The following PMVK variants were observed in gnomAD, a reference collection of about 807,000 sequenced individuals.
PMVK encodes the protein phosphomevalonate kinase.
PMVK carries 10 observed loss-of-function variants against 19.0 expected under a neutral mutation model. The observed-to-expected ratio is 0.53, with a 90% CI of 0.32 to 0.89. PMVK has a LOEUF of 0.89. PMVK is among the 40% of genes least tolerant of loss of function. The pLI is 0.03. For synonymous variants in PMVK, 108 were observed against 101.6 expected, an observed-to-expected ratio of 1.06 and a Z score of -0.38; for missense variants, 222 against 251.1, an observed-to-expected ratio of 0.88 and a Z score of 0.78.
upstream of PMVK, among the ~76,000 whole-genome samples, chr1:154,937,155 G>C (rs935701627): frequency 3.3e-5 from 5 of 152,188 alleles, no homozygotes; most frequent in Non-Finnish European, 4.4e-5. Context: ...GATCACGTTG[G>C]AGACGTTTTG....
Position 154,926,384 on chromosome 1 carries a change from G to A in PMVK, c.412C>T (p.Arg138Ter), listed in dbSNP as rs745983207. Reference protein sequence around the residue: ...TVRVVALEQSRQQRGWVFTPG... With the variant: ...TVRVVALEQS ...GTGAACACCCAGCCCCGCTGCTGTC[G>A]GCTCTGCTCCAACGCTACAACGCGG... is the stretch of plus-strand genomic sequence containing the variant. Residue 138 changes from arginine to a stop codon, truncating the protein, a stop_gained, in exon 4 of 5, where the codon CGA (arginine) becomes TGA (stop). Coordinates refer to ENST00000368467, the MANE Select transcript of PMVK (RefSeq NM_006556.4). LOFTEE classifies it high-confidence loss of function. 7 of 1,613,526 alleles carry A rather than the reference G, an allele frequency of 4.3e-6. No individual in the cohort carries two copies. Among genetic ancestry groups the A allele is most frequent in the Non-Finnish European group, 5.9e-6 (7 of 1,179,894 alleles).
At chr1:154,932,325 C>T (rs777286435) in intron 2 of PMVK, 27 bp downstream of exon 2, 3 of 1,584,994 alleles carry the variant, frequency 1.9e-6, no homozygotes, top group East Asian at 4.5e-5. Flanking sequence ...CCGCCCAACA[C>T]ACCGGATGCC....
chr1:154,939,495 G>A (rs1654596246), upstream of PMVK, among the ~76,000 whole-genome samples: 2 of 151,064 alleles, frequency 1.3e-5, no homozygotes, highest in South Asian at 4.2e-4. Flanking sequence ...ACCATCCTGG[G>A]TAACACGGTG....
At chr1:154,926,943 T>C (rs1221752647) in intron 3 of PMVK, among the ~76,000 whole-genome samples, 1 of 152,208 alleles carries the variant, frequency 6.6e-6, no homozygotes, top group African/African-American at 2.4e-5. Context: ...TCTCCAATCC[T>C]GTTCCTCCCC....
At position 154,933,829 on chromosome 1, in the gene PMVK, T is replaced by C. The variant is rs991577490; in HGVS notation, c.96-1414A>G. Among the ~76,000 whole-genome samples, 5 of 151,798 alleles carry C rather than the reference T, an allele frequency of 3.3e-5. No individual in the cohort carries two copies. The East Asian group carries it at 7.8e-4, about 24-fold the overall frequency. On this transcript the variant is annotated intron_variant, in intron 1 of 4. Transcript: ENST00000368467. The stretch of plus-strand genomic sequence containing the variant: ...TCTTTTTTGAGACAGAGTCTCACTC[T>C]GTCGTCCAGGCTGGAGTACAGTGGC...
intron 2 of PMVK, among the ~76,000 whole-genome samples, chr1:154,931,722 G>A (rs896139929): frequency 1.3e-5 from 2 of 149,228 alleles, no homozygotes; most frequent in African/African-American, 2.5e-5. Flanking sequence ...TTCAGTTTTA[G>A]ACAAATGTAG....
At chr1:154,942,499 C>A in the PMVK span, among the ~76,000 whole-genome samples, 1 of 152,234 alleles carries the variant, frequency 6.6e-6, no homozygotes, top group African/African-American at 2.4e-5. Flanking sequence ...GTGCGAGGAT[C>A]GCCTCCCAGG....
intron 1 of PMVK, 75 bp from the exon 2 acceptor site, chr1:154,932,490 G>C: frequency 9.7e-7 from 1 of 1,027,164 alleles, no homozygotes; most frequent in Non-Finnish European, 1.4e-6. Flanking sequence ...AGGGAGTCAA[G>C]AGGCCTGTGT....
the PMVK span, among the ~76,000 whole-genome samples, chr1:154,941,848 G>C: frequency 1.2e-3 from 182 of 152,302 alleles, no homozygotes; most frequent in African/African-American, 4.1e-3. Flanking sequence ...AGACGGGGGA[G>C]ATCCTGGAGG....
At position 154,932,341 on chromosome 1, in the gene PMVK, G is replaced by C; in HGVS notation, c.159+11C>G. On this transcript the variant is annotated intron_variant, in intron 2 of 4. Transcript: ENST00000368467. Reference sequence around the variant, plus strand: ...CGCCCAACACACCGGATGCCACAAAGCACCACCTACCTGAGCATACTGTTC... The same window carrying C: ...CGCCCAACACACCGGATGCCACAAACCACCACCTACCTGAGCATACTGTTC... The C allele has an allele frequency of 1.2e-6, 2 of 1,608,298 alleles. No individual in the cohort carries two copies. The highest frequency in any genetic ancestry group is 1.7e-6 in the Non-Finnish European group (2 of 1,175,014).
chr1:154,935,105 T>C (rs1242682721), intron 1 of PMVK, among the ~76,000 whole-genome samples: 1 of 137,792 alleles, frequency 7.3e-6, no homozygotes, highest in African/African-American at 2.7e-5. Context: ...ACAGAGTGAA[T>C]GACAGATGTG....
chr1:154,933,609 T>C (rs1346483089), intron 1 of PMVK, among the ~76,000 whole-genome samples: 2 of 143,638 alleles, frequency 1.4e-5, no homozygotes, highest in Admixed American at 1.4e-4. Context: ...TTCTCCTGCC[T>C]CGGCCTCCCA....
In PMVK at chr1:154,929,201, G is replaced by A. The variant is rs117630904; in HGVS notation, c.160-25C>T. The A allele has an allele frequency of 2.0e-3, 3,144 of 1,611,866 alleles. 105 individuals carry two copies. In the East Asian group the frequency reaches 0.056, roughly 29 times the overall value. On this transcript the variant is annotated intron_variant, in intron 2 of 4. Coordinates refer to ENST00000368467, the MANE Select transcript of PMVK (RefSeq NM_006556.4). Reference sequence around the variant, plus strand: ...CCTGCCCAAAGGACATTATGTCTACGTCACCGGCCTTTCAACCTCAGTGGT... The same window carrying A: ...CCTGCCCAAAGGACATTATGTCTACATCACCGGCCTTTCAACCTCAGTGGT...
chr1:154,926,092 G>A (rs1654148595), intron 4 of PMVK, among the ~76,000 whole-genome samples: 1 of 152,194 alleles, frequency 6.6e-6, no homozygotes, highest in African/African-American at 2.4e-5. Flanking sequence ...AGCCCCTACT[G>A]GGCTGGAAAG....
At chr1:154,937,397 C>A (rs1258056974), upstream of PMVK, 1 of 152,238 alleles carries the variant, frequency 6.6e-6, no homozygotes, top group Non-Finnish European at 1.5e-5. Flanking sequence ...CGGCGAGAAA[C>A]CTTTGATTGC....
chr1:154,930,951 T>C lies in PMVK; in HGVS notation c.159+1401A>G, dbSNP rs377415202. 2.6e-5 allele frequency among the ~76,000 whole-genome samples: 4 copies of C among 151,480 alleles called. No homozygotes were observed. In the East Asian group the frequency reaches 5.8e-4, roughly 22 times the overall value. ...AAAAAATTTTAAACTTAGCCAGGCA[T>C]AGTGGCATGCACCTGTATTCCTAGC... is the stretch of plus-strand genomic sequence containing the variant. On this transcript the variant is annotated intron_variant, in intron 2 of 4. Transcript: ENST00000368467.
chr1:154,930,740 T>C (rs1246503925), intron 2 of PMVK, among the ~76,000 whole-genome samples: 1 of 149,764 alleles, frequency 6.7e-6, no homozygotes, highest in African/African-American at 2.4e-5. Context: ...GTCTCCTGGA[T>C]ACAAAGAAAT....
intron 1 of PMVK, among the ~76,000 whole-genome samples, chr1:154,935,435 C>T (rs1435843667): frequency 6.6e-6 from 1 of 152,170 alleles, no homozygotes; most frequent in Non-Finnish European, 1.5e-5. Context: ...GCAAAATGCT[C>T]CTGCACAGAA....
At chr1:154,930,903 A>G (rs1208226904) in intron 2 of PMVK, among the ~76,000 whole-genome samples, 3 of 151,576 alleles carry the variant, frequency 2.0e-5, no homozygotes, top group Non-Finnish European at 4.4e-5. Context: ...TGGGCAACAT[A>G]ATGAGACTCC....
Sources: gnomAD v4.1 joint callset for allele counts (sites outside exome capture counted in the v4.1 genomes callset) on GRCh38, gnomAD v4.1.1 for gene constraint, MANE v1.5 for transcripts, NCBI Gene and HGNC (gene_info 2026-07-23, HGNC 2026-07-21) for gene names.